MS4A18: variants seen among roughly 807,000 people sequenced by gnomAD.
MS4A18 encodes membrane spanning 4-domains A18.
MS4A18 carries 27 observed loss-of-function variants against 13.1 expected under a neutral mutation model. The observed-to-expected ratio is 2.06, with a 90% CI of 1.52 to 2.84. The LOEUF (loss-of-function observed/expected upper bound fraction) is 2.84, where lower values mean the gene tolerates loss of function less well. Ranked by LOEUF, MS4A18 falls within the 30% of genes most tolerant of loss-of-function variation. The pLI is 0.00. For synonymous variants in MS4A18, 126 were observed against 76.5 expected (o/e 1.65, Z -3.38); for missense variants, 307 against 196.4 (o/e 1.56, Z -3.37).
intron 3 of MS4A18, among the ~76,000 whole-genome samples, chr11:60,738,656 C>T (rs967299014): frequency 1.3e-5 from 2 of 152,032 alleles, no homozygotes; most frequent in African/African-American, 4.8e-5. Flanking sequence ...AACAAACCCC[C>T]ATGCCACAAG....
intron 2 of MS4A18, among the ~76,000 whole-genome samples, chr11:60,735,387 G>A (rs1269454381): frequency 4.1e-5 from 6 of 146,498 alleles, no homozygotes; most frequent in Non-Finnish European, 7.5e-5. Context: ...AGGCTGGAGT[G>A]CAGTGGCGCC....
intron 1 of MS4A18, 26 bp downstream of exon 2, chr11:60,729,812 G>A (rs578087590): frequency 3.6e-4 from 240 of 673,434 alleles, no homozygotes; most frequent in Non-Finnish European, 4.9e-4. Flanking sequence ...CCTTCTCTCC[G>A]ATTTGGGTCA....
Position 60,734,673 on chromosome 11 carries a change from G to A in MS4A18, c.591+1026G>A, listed in dbSNP as rs559014549. ...TGATTGCCAGGGGCTGGGGTAAGAG[G>A]GTAATGGGGAGTTAGTGTTTTATGG... On this transcript the variant is annotated intron_variant, in intron 2 of 5. Coordinates refer to ENST00000529108, the Ensembl canonical transcript of MS4A18. 4.6e-5 allele frequency among the ~76,000 whole-genome samples: 7 copies of A among 152,258 alleles called. No individual in the cohort carries two copies. The East Asian group carries it at 1.2e-3, about 25-fold the overall frequency.
Position 60,742,054 on chromosome 11 carries a change from C to T in MS4A18, c.858+911C>T, listed in dbSNP as rs111481413. ...CACTGCTCCATAATAATTCTGAAAT[C>T]CTATGAGGCACATATTGTCCTACCC... On this transcript the variant is annotated intron_variant, in intron 5 of 5. Transcript: ENST00000529108. Among the ~76,000 whole-genome samples, 830 of 152,324 alleles carry T rather than the reference C, an allele frequency of 5.4e-3. 4 individuals carry two copies. The highest frequency in any genetic ancestry group is 0.019 in the African/African-American group (789 of 41,566).
At chr11:60,732,940 C>T (rs511597) in intron 1 of MS4A18, among the ~76,000 whole-genome samples, 1 of 152,178 alleles carries the variant, frequency 6.6e-6, no homozygotes, top group Non-Finnish European at 1.5e-5. Flanking sequence ...GACCTTTCTT[C>T]GAGTTATTTC....
intron 2 of MS4A18, among the ~76,000 whole-genome samples, chr11:60,734,766 T>G (rs1023370905): frequency 6.6e-6 from 1 of 151,148 alleles, no homozygotes; most frequent in Non-Finnish European, 1.5e-5. Flanking sequence ...CAATATGAAT[T>G]TTCTTTTCTT....
rs375089037 is a variant in MS4A18, at chr11:60,732,923, A to G, written c.478-611A>G. The stretch of plus-strand genomic sequence containing the variant: ...GGCTGATTTTCAGAGTGAAAATAAA[A>G]TATAAAGACCTTTCTTCGAGTTATT... On this transcript the variant is annotated intron_variant, in intron 1 of 5. Coordinates refer to ENST00000529108, the Ensembl canonical transcript of MS4A18. 8.1e-4 allele frequency among the ~76,000 whole-genome samples: 123 copies of G among 152,304 alleles called. 4 individuals are homozygous for G. The South Asian group carries it at 0.024, about 30-fold the overall frequency.
At chr11:60,739,788 T>C (rs977964349) in intron 4 of MS4A18, among the ~76,000 whole-genome samples, 2 of 152,184 alleles carry the variant, frequency 1.3e-5, no homozygotes, top group African/African-American at 2.4e-5. Flanking sequence ...GCAGCAGGCA[T>C]GGAAGGACAT....
chr11:60,733,288 T>C (rs1351198069), intron 1 of MS4A18, among the ~76,000 whole-genome samples: 1 of 152,232 alleles, frequency 6.6e-6, no homozygotes, highest in East Asian at 1.9e-4. Flanking sequence ...TTATAGGCTG[T>C]CTTACCTTTC....
chr11:60,729,979 C>G (rs1325534906), intron 1 of MS4A18, among the ~76,000 whole-genome samples, 193 bp downstream of exon 2: 1 of 152,088 alleles, frequency 6.6e-6, no homozygotes, highest in Non-Finnish European at 1.5e-5. Flanking sequence ...TTCCACTCCC[C>G]AAGGAGACCC....
chr11:60,729,171 G>A, upstream of MS4A18: 1 of 601,774 alleles, frequency 1.7e-6, no homozygotes. Context: ...AGAAAGGCAA[G>A]AAGTTTATTT....
chr11:60,735,696 C>T (rs1221797857), intron 2 of MS4A18, among the ~76,000 whole-genome samples: 1 of 125,886 alleles, frequency 7.9e-6, no homozygotes, highest in Non-Finnish European at 1.6e-5. Context: ...GACGGAGTCA[C>T]TCTGTCACCC....
intron 2 of MS4A18, among the ~76,000 whole-genome samples, chr11:60,735,500 A>ATT (rs56136215): frequency 0.031 from 3,383 of 109,978 alleles, 87 homozygotes; most frequent in East Asian, 0.094. Flanking sequence ...TGCCCGGCTA[A>ATT]TTTTTTTTTT....
Position 60,729,548 on chromosome 11 carries a change from T to C in MS4A18, c.233T>C (p.Ile78Thr), listed in dbSNP as rs115356259. The change falls in exon 1 of 6, where the codon ATT (isoleucine) becomes ACT (threonine). Residue 78 changes from isoleucine to threonine, a missense_variant. Ile to Thr is a moderately conservative substitution (Grantham distance 89). Transcript: ENST00000529108. ...GCAGCAGGTGTACAGAGTCAACCCA[T>C]TGGGTATCAGCGACAGTATCCAGTG... 1.6e-3 allele frequency: 1,094 copies of C among 702,688 alleles called. 6 individuals carry two copies. Among genetic ancestry groups the C allele is most frequent in the African/African-American group, 0.014 (804 of 57,310 alleles). 43.5% of individuals were successfully genotyped at this position (702,688 alleles called of 1,614,324 possible). A position where few individuals can be genotyped will look rare whatever the true frequency, so the allele number is the denominator to read the frequency against.
intron 2 of MS4A18, among the ~76,000 whole-genome samples, chr11:60,734,269 A>AT (rs1853303517): frequency 6.6e-6 from 1 of 152,198 alleles, no homozygotes. Context: ...GGAAAAAAAA[A>AT]GAAATATCTC....
At chr11:60,736,829 T>C (rs1022728964) in intron 2 of MS4A18, 149 bp from the exon 4 acceptor site, 10 of 613,038 alleles carry the variant, frequency 1.6e-5, no homozygotes, top group African/African-American at 5.5e-5. Flanking sequence ...ATAGTAAAAA[T>C]GTTGGGAGGA....
intron 1 of MS4A18, among the ~76,000 whole-genome samples, chr11:60,730,008 G>T (rs1287536183): frequency 6.6e-6 from 1 of 152,096 alleles, no homozygotes; most frequent in Non-Finnish European, 1.5e-5. Flanking sequence ...GGGGATAAAG[G>T]TTTGAATAAT....
At chr11:60,743,735 A>C in exon 6 of MS4A18, 1 of 702,834 alleles carries the variant, frequency 1.4e-6, no homozygotes, top group Non-Finnish European at 2.6e-6. Flanking sequence ...GGTCCTGTCA[A>C]TGCTGCCACT....
intron 2 of MS4A18, among the ~76,000 whole-genome samples, chr11:60,734,997 G>A (rs1438557841): frequency 9.2e-5 from 14 of 151,832 alleles, no homozygotes; most frequent in Admixed American, 9.2e-4. Flanking sequence ...TGGCCAGCCT[G>A]GTCTCGAACT....
Sources: allele counts gnomAD v4.1 joint callset (sites outside exome capture counted in the v4.1 genomes callset), GRCh38; gene constraint gnomAD v4.1.1; transcripts MANE v1.5; gene names NCBI Gene and HGNC (gene_info 2026-07-23, HGNC 2026-07-21).